Variants in LAMP5 observed in about 807,000 individuals in gnomAD.
LAMP5 encodes the protein lysosome associated membrane protein 5, also known as lysosome-associated membrane glycoprotein 5.
Under a neutral mutation model 30.2 loss-of-function variants are expected in LAMP5, and 36 were observed. That is an observed-to-expected ratio of 1.19 (90% CI 0.91 to 1.57). LAMP5 has a LOEUF of 1.57. Ranked by LOEUF, LAMP5 falls within the 40% of genes most tolerant of loss-of-function variation. The probability of loss-of-function intolerance (pLI) is 0.00; values close to 1 mark genes in which losing one functional copy is unlikely to be tolerated. For synonymous variants in LAMP5, 149 were observed against 134.6 expected, an observed-to-expected ratio of 1.11 and a Z score of -0.74; for missense variants, 377 against 354.9, an observed-to-expected ratio of 1.06 and a Z score of -0.50.
At chr20:9,518,789 G>A (rs150969622) in intron 5 of LAMP5, among the ~76,000 whole-genome samples, 25 of 152,238 alleles carry the variant, frequency 1.6e-4, no homozygotes, top group African/African-American at 3.6e-4. Flanking sequence ...CTGTGAGTCC[G>A]AGTTTCTGTG....
chr20:9,519,500 T>C (rs560968387), intron 5 of LAMP5, among the ~76,000 whole-genome samples: 1 of 152,362 alleles, frequency 6.6e-6, no homozygotes, highest in Admixed American at 6.5e-5. Flanking sequence ...GGCTATCCCA[T>C]GTTAATGTAT....
rs3037127 is a variant in LAMP5 at position 9,517,621 on chromosome 20, A to ATGTGTGTGTGTGTGTGTGTGTGTG, written c.476-404_476-403insGTGTGTGTGTGTGTGTGTGTGTGT. On this transcript the variant is annotated intron_variant, in intron 4 of 5. Transcript: ENST00000246070. ...CATGCCAGACTAATTTTGTAAATGTATGTGTGTGTGTGTGTATTTGTAGAG... is the reference window on the plus strand; with the variant it reads ...CATGCCAGACTAATTTTGTAAATGTATGTGTGTGTGTGTGTGTGTGTGTGTGTGTGTGTGTGTGTATTTGTAGAG... 4.0e-3 allele frequency among the ~76,000 whole-genome samples: 596 copies of ATGTGTGTGTGTGTGTGTGTGTGTG among 149,200 alleles called. 7 individuals are homozygous for ATGTGTGTGTGTGTGTGTGTGTGTG. The highest frequency in any genetic ancestry group is 0.014 in the African/African-American group (552 of 40,348).
At chr20:9,515,324 G>A (rs997493016) in intron 1 of LAMP5, 129 bp from the exon 2 acceptor site, 11 of 762,232 alleles carry the variant, frequency 1.4e-5, no homozygotes, top group Non-Finnish European at 2.1e-5. Flanking sequence ...GAAACGGCTC[G>A]TAGAGCGCAC....
Position 9,521,499 on chromosome 20 carries a change from T to G in LAMP5, c.664+3271T>G, listed in dbSNP as rs1169207033. 3.3e-5 allele frequency among the ~76,000 whole-genome samples: 5 copies of G among 152,188 alleles called. No homozygotes were observed. The South Asian group carries it at 1.0e-3, about 32-fold the overall frequency. ...TTGAGCTAACAGTCTCAGCCTGCAG[T>G]GAAGAAATAAACCACCTAGAGGCCA... On this transcript the variant is annotated intron_variant, in intron 5 of 5. Coordinates refer to ENST00000246070, the MANE Select transcript of LAMP5 (RefSeq NM_012261.4).
chr20:9,522,593 G>A (rs757265569), intron 5 of LAMP5, among the ~76,000 whole-genome samples: 1 of 152,206 alleles, frequency 6.6e-6, no homozygotes, highest in Non-Finnish European at 1.5e-5. Flanking sequence ...ATAGAATTCT[G>A]TGCTTCGGAT....
At chr20:9,523,905 A>T (rs2045094955) in intron 5 of LAMP5, among the ~76,000 whole-genome samples, 1 of 152,250 alleles carries the variant, frequency 6.6e-6, no homozygotes, top group African/African-American at 2.4e-5. Flanking sequence ...GGGTATATAT[A>T]GTTTATAGAT....
Position 9,530,080 on chromosome 20 carries a change from C to G in LAMP5, c.*260C>G. 3.0e-6 allele frequency: 1 copy of G among 332,446 alleles called. No individual in the cohort carries two copies. The highest frequency in any genetic ancestry group is 5.6e-6 in the Non-Finnish European group (1 of 179,856). 20.6% of individuals were successfully genotyped at this position (332,446 alleles called of 1,614,324 possible). A position where few individuals can be genotyped will look rare whatever the true frequency, so the allele number is the denominator to read the frequency against. On this transcript the variant is annotated 3_prime_UTR_variant, in exon 6 of 6. Transcript: ENST00000246070. ...GAGGGTCTCAGACAGCTTTCGTGCT[C>G]ATGGTGGCTTGGCTTTGACTCTCCA...
chr20:9,518,457 C>T (rs2045058150), intron 5 of LAMP5, among the ~76,000 whole-genome samples: 1 of 152,216 alleles, frequency 6.6e-6, no homozygotes, highest in South Asian at 2.1e-4. Context: ...CGTTTACCTT[C>T]ACTTTAGTCC....
intron 5 of LAMP5, among the ~76,000 whole-genome samples, chr20:9,526,663 G>A (rs1313606797): frequency 6.6e-6 from 1 of 151,936 alleles, no homozygotes; most frequent in Non-Finnish European, 1.5e-5. Flanking sequence ...TCAAATAGTG[G>A]GGGGAAAAGT....
chr20:9,530,000 T>C lies in LAMP5; in HGVS notation c.*180T>C. The C allele has an allele frequency of 1.8e-6, 1 of 549,856 alleles. No homozygotes were observed. The highest frequency in any genetic ancestry group is 3.3e-5 in the South Asian group (1 of 30,626). The allele number at this position is 549,856 out of a possible 1,614,324, so 34.1% of individuals were successfully genotyped here. Reference sequence around the variant, plus strand: ...AAACCCACGGAAGGGGGAGACTCTTTCGGATTTGTAGGGTGAAATGGCAAT... The same window carrying C: ...AAACCCACGGAAGGGGGAGACTCTTCCGGATTTGTAGGGTGAAATGGCAAT... On this transcript the variant is annotated 3_prime_UTR_variant, in exon 6 of 6. Coordinates refer to ENST00000246070, the MANE Select transcript of LAMP5 (RefSeq NM_012261.4).
At chr20:9,519,791 T>G (rs2045067486) in intron 5 of LAMP5, among the ~76,000 whole-genome samples, 1 of 152,204 alleles carries the variant, frequency 6.6e-6, no homozygotes, top group Non-Finnish European at 1.5e-5. Context: ...GACTTTCTAG[T>G]TTTTGCTGAT....
At chr20:9,515,736 G>C in intron 2 of LAMP5, 111 bp downstream of exon 2, 1 of 1,222,888 alleles carries the variant, frequency 8.2e-7, no homozygotes, top group Non-Finnish European at 1.2e-6. Flanking sequence ...CCCACACCCC[G>C]GCAGGCTGCT....
intron 5 of LAMP5, among the ~76,000 whole-genome samples, chr20:9,527,642 T>A (rs546887598): frequency 7.2e-5 from 11 of 152,322 alleles, no homozygotes; most frequent in Admixed American, 7.2e-4. Context: ...GCTTGTTTAT[T>A]TTTCACTTGT....
chr20:9,527,995 T>G (rs540531374), intron 5 of LAMP5, among the ~76,000 whole-genome samples: 2 of 152,334 alleles, frequency 1.3e-5, no homozygotes, highest in Admixed American at 1.3e-4. Flanking sequence ...ATATATTACA[T>G]GCACCCTTAA....
chr20:9,529,755 C>T lies in LAMP5; in HGVS notation c.778C>T (p.His260Tyr), dbSNP rs1420415682. ...MVTLAIYHVH[H>Y]KMTANQVQIP... The stretch of plus-strand genomic sequence containing the variant: ...AACACTCGCGATTTACCACGTCCAC[C>T]ACAAAATGACTGCCAACCAGGTGCA... The change falls in exon 6 of 6, where the codon CAC becomes TAC. Residue 260 changes from histidine to tyrosine, a missense_variant. Physicochemically the swap from His to Tyr is moderately conservative, Grantham distance 83. Coordinates refer to ENST00000246070, the MANE Select transcript of LAMP5 (RefSeq NM_012261.4). The T allele has an allele frequency of 6.2e-7, 1 of 1,614,226 alleles. No homozygotes were observed. The highest frequency in any genetic ancestry group is 1.7e-5 in the Admixed American group (1 of 60,028).
At position 9,530,036 on chromosome 20, in the gene LAMP5, A is replaced by C. The variant is rs60686362; in HGVS notation, c.*216A>C. On this transcript the variant is annotated 3_prime_UTR_variant, in exon 6 of 6. Transcript: ENST00000246070. ...GGGTGAAATGGCAATTATTCTCTCC[A>C]TGCTGGGGAGGAGGGGAGGAGGGTC... 5 of 444,230 alleles carry C rather than the reference A, an allele frequency of 1.1e-5. No homozygotes were observed. Among genetic ancestry groups the C allele is most frequent in the Non-Finnish European group, 2.0e-5 (5 of 250,394 alleles). The allele number at this position is 444,230 out of a possible 1,614,324, so 27.5% of individuals were successfully genotyped here.
In LAMP5 at chr20:9,529,689, C is replaced by A. The variant is rs1172305579; in HGVS notation, c.712C>A (p.Pro238Thr). 6.8e-6 allele frequency: 11 copies of A among 1,614,166 alleles called. No individual in the cohort carries two copies. Among genetic ancestry groups the A allele is most frequent in the Non-Finnish European group, 9.3e-6 (11 of 1,180,030 alleles). ...DEREQLEETL[P>T]LILGLILGLV... ...GCGGGAGCAACTGGAAGAAACCTTG[C>A]CCCTGATTTTGGGGCTCATCTTGGG... Residue 238 changes from proline (P) to threonine (T), a missense_variant, in exon 6 of 6, where the codon CCC becomes ACC. Pro to Thr is a conservative substitution (Grantham distance 38, BLOSUM62 -1). Coordinates refer to ENST00000246070, the MANE Select transcript of LAMP5 (RefSeq NM_012261.4).
At chr20:9,519,408 C>T (rs746054046) in intron 5 of LAMP5, among the ~76,000 whole-genome samples, 1 of 152,106 alleles carries the variant, frequency 6.6e-6, no homozygotes, top group Non-Finnish European at 1.5e-5. Context: ...ATAGAATGCA[C>T]CACCTTCCAC....
chr20:9,520,604 T>A (rs561635014), intron 5 of LAMP5, among the ~76,000 whole-genome samples: 1 of 151,770 alleles, frequency 6.6e-6, no homozygotes, highest in South Asian at 2.1e-4. Flanking sequence ...TGTGTGTGTG[T>A]GTTTGTGTGT....
Sources: gnomAD v4.1 joint callset for allele counts (sites outside exome capture counted in the v4.1 genomes callset) on GRCh38, gnomAD v4.1.1 for gene constraint, MANE v1.5 for transcripts, NCBI Gene and HGNC (gene_info 2026-07-23, HGNC 2026-07-21) for gene names.